The following PXDC1 variants were observed in gnomAD, a reference collection of about 807,000 sequenced individuals.
PXDC1 encodes the protein PX domain containing 1.
PXDC1 carries 13 observed loss-of-function variants against 24.4 expected under a neutral mutation model. That is an observed-to-expected ratio of 0.53 (90% CI 0.35 to 0.85). PXDC1 has a LOEUF of 0.85. Ranked by LOEUF, PXDC1 falls within the 40% of genes least tolerant of loss-of-function variation. The probability of loss-of-function intolerance (pLI) is 0.01; values close to 1 mark genes in which losing one functional copy is unlikely to be tolerated. For missense variants in PXDC1, 344 were observed against 309.3 expected (o/e 1.11, Z -0.84); for synonymous variants, 162 against 124.9 (o/e 1.30, Z -1.98).
intron 1 of PXDC1, among the ~76,000 whole-genome samples, chr6:3,741,386 C>G (rs1000092839): frequency 6.6e-6 from 1 of 152,180 alleles, no homozygotes; most frequent in African/African-American, 2.4e-5. Context: ...GAGCTGGAAT[C>G]CCTGCCTGGA....
At chr6:3,736,213 C>T (rs1760311317) in intron 3 of PXDC1, among the ~76,000 whole-genome samples, 2 of 152,218 alleles carry the variant, frequency 1.3e-5, no homozygotes, top group African/African-American at 4.8e-5. Flanking sequence ...TCTCCCTTGA[C>T]ATCCTTCTGA....
rs1357028589 is a variant in PXDC1 at position 3,743,229 on chromosome 6, C to CTG, written c.257-5083_257-5082dup. Among the ~76,000 whole-genome samples the CTG allele has an allele frequency of 2.0e-5, 3 of 152,052 alleles. No individual in the cohort carries two copies. The South Asian group carries it at 6.2e-4, about 32-fold the overall frequency. On this transcript the variant is annotated intron_variant, in intron 1 of 4. Transcript: ENST00000380283. ...AAGGCAGGATGCTGGCTCGGGTGCGCTGGGAGGTCACACGTTAAAGAGCGT... is the reference window on the plus strand; with the variant it reads ...AAGGCAGGATGCTGGCTCGGGTGCGCTGTGGGAGGTCACACGTTAAAGAGCGT...
rs2127600139 is a variant in PXDC1 at position 3,737,331 on chromosome 6, C to T, written c.349-135G>A. On this transcript the variant is annotated intron_variant, in intron 2 of 4. Coordinates refer to ENST00000380283, the MANE Select transcript of PXDC1 (RefSeq NM_183373.4). This position sits in a 1 kb window ranked among gnomAD's most constrained non-coding sequence, Gnocchi z 5.5. ...AACGCCCCATGAATGTCCAGATGCT[C>T]CCATGGCTGGCCGCAGGGGCGGGGC... The T allele has an allele frequency of 1.5e-6, 1 of 682,106 alleles. No individual in the cohort carries two copies. The highest frequency in any genetic ancestry group is 2.6e-5 in the East Asian group (1 of 38,614). 42.3% of individuals were successfully genotyped at this position (682,106 alleles called of 1,614,324 possible).
At position 3,725,554 on chromosome 6, in the gene PXDC1, T is replaced by A. The variant is rs1365662333; in HGVS notation, c.579-1818A>T. On this transcript the variant is annotated intron_variant, in intron 4 of 4. Transcript: ENST00000380283. This position sits in a 1 kb window ranked among gnomAD's most constrained non-coding sequence, Gnocchi z 4.8. ...TCGGGGCAGCCTGCTGAGACTCTGC[T>A]GTGGGGGCCCTGCTGTGGGCCCGGC... Among the ~76,000 whole-genome samples, 1 of 152,172 alleles carries A rather than the reference T, an allele frequency of 6.6e-6. No homozygotes were observed. Among genetic ancestry groups the A allele is most frequent in the Non-Finnish European group, 1.5e-5 (1 of 68,008 alleles).
intron 3 of PXDC1, among the ~76,000 whole-genome samples, chr6:3,734,058 G>A (rs575132801): frequency 1.1e-3 from 170 of 152,342 alleles, no homozygotes; most frequent in African/African-American, 3.9e-3. Context: ...CACACGGAAG[G>A]CCACAGACAG....
At chr6:3,733,890 T>C (rs188155919) in intron 3 of PXDC1, among the ~76,000 whole-genome samples, 2 of 152,248 alleles carry the variant, frequency 1.3e-5, no homozygotes, top group East Asian at 3.9e-4. Flanking sequence ...TCCTCCTAGC[T>C]GCTCTTCCAC....
intron 3 of PXDC1, among the ~76,000 whole-genome samples, chr6:3,736,227 C>T (rs968101157): frequency 6.6e-6 from 1 of 152,174 alleles, no homozygotes; most frequent in Non-Finnish European, 1.5e-5. Flanking sequence ...CTTCTGAGTC[C>T]TCCATCCCTC....
chr6:3,739,064 T>C (rs1581247944), intron 1 of PXDC1: 3 of 1,186,856 alleles, frequency 2.5e-6, no homozygotes, highest in East Asian at 5.9e-5. Context: ...CAACCTAGTA[T>C]TATTGGTCAC....
chr6:3,736,578 T>C (rs562593115), intron 3 of PXDC1, among the ~76,000 whole-genome samples: 2 of 152,208 alleles, frequency 1.3e-5, no homozygotes, highest in African/African-American at 4.8e-5. Context: ...CAGATCTTAG[T>C]AAGTCACCAA....
intron 4 of PXDC1, among the ~76,000 whole-genome samples, chr6:3,727,083 G>T (rs775029339): frequency 2.2e-4 from 34 of 152,234 alleles, no homozygotes; most frequent in Admixed American, 5.2e-4. Context: ...TAGAGCATGT[G>T]TTACAGTCAA....
intron 3 of PXDC1, among the ~76,000 whole-genome samples, chr6:3,733,101 G>A (rs1561733510): frequency 6.6e-6 from 1 of 152,178 alleles, no homozygotes; most frequent in Admixed American, 6.5e-5. Context: ...CAAGAACTTG[G>A]GCTTGATGGT....
At chr6:3,742,004 T>C (rs1470311376) in intron 1 of PXDC1, among the ~76,000 whole-genome samples, 1 of 152,262 alleles carries the variant, frequency 6.6e-6, no homozygotes, top group Non-Finnish European at 1.5e-5. Flanking sequence ...TTGTTTTATA[T>C]TCACTAAGGT....
rs752761322 is a variant in PXDC1, at chr6:3,728,772, G to A, written c.467-1110C>T. ...CCATCTAGGTATAAAAAGCTGCAGC[G>A]TTCGTTTGTATTTTCTGAGGGACCG... On this transcript the variant is annotated intron_variant, in intron 3 of 4. Transcript: ENST00000380283. This position sits in a 1 kb window ranked among gnomAD's most constrained non-coding sequence, Gnocchi z 4.0. Among the ~76,000 whole-genome samples the A allele has an allele frequency of 5.9e-5, 9 of 152,112 alleles. No individual in the cohort carries two copies. Among genetic ancestry groups the A allele is most frequent in the East Asian group, 1.9e-4 (1 of 5,198 alleles).
At chr6:3,734,365 G>A (rs1309472946) in intron 3 of PXDC1, among the ~76,000 whole-genome samples, 2 of 152,168 alleles carry the variant, frequency 1.3e-5, no homozygotes, top group East Asian at 3.9e-4. Flanking sequence ...GCACTAAGAG[G>A]ACTCTGCTGC....
rs41301861 is a variant in PXDC1, at chr6:3,722,707, T to C, written c.*912A>G. ...TCTCAATAATTTACTATTATTTACA[T>C]TAGCAAATGTCGGTCGTTAGTAGAC... On this transcript the variant is annotated 3_prime_UTR_variant, in exon 5 of 5. Coordinates refer to ENST00000380283, the MANE Select transcript of PXDC1 (RefSeq NM_183373.4). The C allele has an allele frequency of 0.033, 5,080 of 152,764 alleles. 119 individuals carry two copies. The highest frequency in any genetic ancestry group is 0.1 in the Middle Eastern group (30 of 294). The allele number at this position is 152,764 out of a possible 1,614,324, so 9.5% of individuals were successfully genotyped here.
At position 3,732,271 on chromosome 6, in the gene PXDC1, T is replaced by A. The variant is rs550176080; in HGVS notation, c.467-4609A>T. Among the ~76,000 whole-genome samples, 101 of 152,288 alleles carry A rather than the reference T, an allele frequency of 6.6e-4. 1 individual carries two copies. Among genetic ancestry groups the A allele is most frequent in the Non-Finnish European group, 8.1e-4 (55 of 68,026 alleles). ...GAAAGCATTCATACTCTAGCCTTCC[T>A]CCCTTTCACCTCCTCTCTCCCACTG... On this transcript the variant is annotated intron_variant, in intron 3 of 4. Coordinates refer to ENST00000380283, the MANE Select transcript of PXDC1 (RefSeq NM_183373.4).
intron 3 of PXDC1, among the ~76,000 whole-genome samples, chr6:3,735,916 AAAAAC>A (rs1158284450): frequency 6.6e-6 from 1 of 152,192 alleles, no homozygotes; most frequent in African/African-American, 2.4e-5. Flanking sequence ...CAAAAAAGTA[AAAAAC>A]AAAACAAAGC....
chr6:3,723,309 C>A lies in PXDC1; in HGVS notation c.*310G>T. 1 of 352,910 alleles carries A rather than the reference C, an allele frequency of 2.8e-6. No individual in the cohort carries two copies. The allele number at this position is 352,910 out of a possible 1,614,324, so 21.9% of individuals were successfully genotyped here. The stretch of plus-strand genomic sequence containing the variant: ...GCAGTAGCAGTGAGAGCGAGCCCCA[C>A]AGGAACTGTCCCTGCCCTGGCAGTG... On this transcript the variant is annotated 3_prime_UTR_variant, in exon 5 of 5. Coordinates refer to ENST00000380283, the MANE Select transcript of PXDC1 (RefSeq NM_183373.4).
intron 3 of PXDC1, among the ~76,000 whole-genome samples, chr6:3,730,385 C>A (rs923600568): frequency 1.3e-5 from 2 of 152,210 alleles, no homozygotes; most frequent in East Asian, 1.9e-4. Flanking sequence ...GAAGTGTGCA[C>A]AGCTTTTATA....
Sources: allele counts gnomAD v4.1 joint callset (sites outside exome capture counted in the v4.1 genomes callset), GRCh38; gene constraint gnomAD v4.1.1; non-coding constraint Gnocchi (gnomAD v3.1); transcripts MANE v1.5; gene names NCBI Gene and HGNC (gene_info 2026-07-23, HGNC 2026-07-21).